The following S100Z variants were observed in gnomAD, a reference collection of about 807,000 sequenced individuals.
The protein encoded by S100Z is S100 calcium binding protein Z, also known as protein S100-Z.
A neutral mutation model predicts 8.5 loss-of-function variants in S100Z; 11 were observed. The ratio of observed to expected loss-of-function variants is 1.30; its 90% CI spans 0.82 to 2.15. The LOEUF (loss-of-function observed/expected upper bound fraction) is 2.15, where lower values mean the gene tolerates loss of function less well. Ranked by LOEUF, S100Z falls within the 30% of genes most tolerant of loss-of-function variation. The pLI is 0.00. For synonymous variants in S100Z, 34 were observed against 43.8 expected, an observed-to-expected ratio of 0.78 and a Z score of 0.89; for missense variants, 126 against 117.9, an observed-to-expected ratio of 1.07 and a Z score of -0.32.
At chr5:76,915,180 C>A (rs192129722) in intron 4 of S100Z, among the ~76,000 whole-genome samples, 51 of 151,884 alleles carry the variant, frequency 3.4e-4, no homozygotes, top group African/African-American at 1.2e-3. Context: ...GTGGCAGTCA[C>A]CTGTAGTCCC....
chr5:76,854,495 C>A (rs113671365), intron 1 of S100Z, among the ~76,000 whole-genome samples: 6,823 of 152,206 alleles, frequency 0.045, 277 homozygotes, highest in African/African-American at 0.11. Context: ...ATCTGTGGAG[C>A]TTTGAACTTG....
chr5:76,859,815 A>G (rs1158117434), intron 1 of S100Z, among the ~76,000 whole-genome samples: 1 of 150,462 alleles, frequency 6.6e-6, no homozygotes, highest in African/African-American at 2.4e-5. Context: ...CCTTCATCAC[A>G]GGGAGGCGAA....
At chr5:76,854,938 A>G (rs1354813603) in intron 1 of S100Z, among the ~76,000 whole-genome samples, 4 of 152,232 alleles carry the variant, frequency 2.6e-5, no homozygotes, top group Admixed American at 6.5e-5. Flanking sequence ...TGCTTCTTGC[A>G]TCTCAGCCAT....
intron 4 of S100Z, among the ~76,000 whole-genome samples, chr5:76,907,718 A>G (rs1234502722): frequency 6.6e-6 from 1 of 152,170 alleles, no homozygotes; most frequent in Non-Finnish European, 1.5e-5. Context: ...TGCTGCTTAT[A>G]GTGGTTGCCA....
At chr5:76,864,792 T>C (rs1751207112) in intron 1 of S100Z, among the ~76,000 whole-genome samples, 1 of 152,132 alleles carries the variant, frequency 6.6e-6, no homozygotes. Flanking sequence ...CGCTGCAACC[T>C]CTGCCTCCCG....
intron 4 of S100Z, among the ~76,000 whole-genome samples, chr5:76,884,921 A>G (rs1188229815): frequency 6.6e-6 from 1 of 152,122 alleles, no homozygotes; most frequent in Non-Finnish European, 1.5e-5. Flanking sequence ...GAAAGAAGAA[A>G]GATTTGGGAC....
In S100Z at chr5:76,875,510, G is replaced by C; in HGVS notation, c.141+10G>C. 6.2e-7 allele frequency: 1 copy of C among 1,600,132 alleles called. No individual in the cohort carries two copies. The highest frequency in any genetic ancestry group is 8.5e-7 in the Non-Finnish European group (1 of 1,174,538). ...CACGGAATTCCTCTCGGTGAGTCAG[G>C]CCTTTGTAAATGCTGTATTCATTTG... is the stretch of plus-strand genomic sequence containing the variant. On this transcript the variant is annotated intron_variant, in intron 3 of 4. Transcript: ENST00000317593.
chr5:76,923,037 A>T (rs1406933697), downstream of S100Z, among the ~76,000 whole-genome samples: 2 of 150,866 alleles, frequency 1.3e-5, no homozygotes, highest in African/African-American at 4.9e-5. Context: ...ATGGGCTTCT[A>T]AAAAAACACA....
Position 76,877,336 on chromosome 5 carries a change from C to T in S100Z, c.142-338C>T, listed in dbSNP as rs897655493. On this transcript the variant is annotated intron_variant, in intron 3 of 4. Transcript: ENST00000317593. ...TCTCCTTTTTGGCTTCAAATCCTCC[C>T]TCTTTCTATGTCACTCGACTATCTC... Among the ~76,000 whole-genome samples the T allele has an allele frequency of 3.9e-5, 6 of 152,170 alleles. No homozygotes were observed. The East Asian group carries it at 1.2e-3, about 29-fold the overall frequency.
chr5:76,892,728 C>T (rs1192238094), intron 4 of S100Z, among the ~76,000 whole-genome samples: 1 of 152,114 alleles, frequency 6.6e-6, no homozygotes, highest in African/African-American at 2.4e-5. Context: ...TTGATCAGCG[C>T]TCATTGAATT....
At chr5:76,894,322 A>G (rs967105044) in intron 4 of S100Z, among the ~76,000 whole-genome samples, 4 of 152,188 alleles carry the variant, frequency 2.6e-5, no homozygotes, top group African/African-American at 9.7e-5. Flanking sequence ...TATTTGATTG[A>G]TGTCTCATGC....
rs781418397 is a variant in S100Z at position 76,875,473 on chromosome 5, G to T, written c.114G>T (p.Leu38=). ...GCAAGGGGGAACTGAAACTGCTCCT[G>T]CAGCGAGAGCTCACGGAATTCCTCT... The part of the protein sequence containing the change: ...KLSKGELKLL[L]QRELTEFLSC... Residue 38 remains leucine (L), a synonymous_variant, in exon 3 of 5, where the codon CTG becomes CTT. Coordinates refer to ENST00000317593, the MANE Select transcript of S100Z (RefSeq NM_130772.4). 1.4e-5 allele frequency: 23 copies of T among 1,611,244 alleles called. No homozygotes were observed. In the South Asian group the frequency reaches 2.5e-4, roughly 18 times the overall value.
At chr5:76,913,133 C>G (rs1384301918) in intron 4 of S100Z, among the ~76,000 whole-genome samples, 2 of 152,226 alleles carry the variant, frequency 1.3e-5, no homozygotes, top group Admixed American at 1.3e-4. Flanking sequence ...TCCAATACCA[C>G]CTTGTTGTCA....
Position 76,919,677 on chromosome 5 carries a change from T to G in S100Z, c.*3-1040T>G, listed in dbSNP as rs115534082. 6.2e-3 allele frequency among the ~76,000 whole-genome samples: 941 copies of G among 151,384 alleles called. 13 individuals carry two copies. Among genetic ancestry groups the G allele is most frequent in the African/African-American group, 0.021 (879 of 41,218 alleles). On this transcript the variant is annotated intron_variant, in intron 4 of 4. Coordinates refer to ENST00000317593, the MANE Select transcript of S100Z (RefSeq NM_130772.4). Reference sequence around the variant, plus strand: ...CCCAGGCTGTAGGGTAGTGATCATATTTCACTGCTGCCTCAAATTCCTGGG... The same window carrying G: ...CCCAGGCTGTAGGGTAGTGATCATAGTTCACTGCTGCCTCAAATTCCTGGG...
chr5:76,909,730 A>C (rs1316905834), intron 4 of S100Z, among the ~76,000 whole-genome samples: 1 of 152,180 alleles, frequency 6.6e-6, no homozygotes, highest in African/African-American at 2.4e-5. Flanking sequence ...ACCTGGGTAC[A>C]TGTCCCCTTC....
chr5:76,948,946 T>C, the S100Z span: 3 of 151,972 alleles, frequency 2.0e-5, no homozygotes, highest in African/African-American at 7.3e-5. Flanking sequence ...CTATTGGAAG[T>C]TGGAGGGTGG....
chr5:76,870,555 G>A (rs1282578414), intron 2 of S100Z, among the ~76,000 whole-genome samples: 1 of 152,126 alleles, frequency 6.6e-6, no homozygotes, highest in Admixed American at 6.5e-5. Context: ...TTGGTCTATA[G>A]TCCTCAGTAA....
At chr5:76,861,171 C>T (rs1342598050) in intron 1 of S100Z, among the ~76,000 whole-genome samples, 2 of 152,132 alleles carry the variant, frequency 1.3e-5, no homozygotes, top group East Asian at 3.9e-4. Flanking sequence ...GCTGAGGATC[C>T]ACTCCTAAGG....
intron 1 of S100Z, among the ~76,000 whole-genome samples, chr5:76,852,723 A>G (rs1750765675): frequency 6.6e-6 from 1 of 152,186 alleles, no homozygotes; most frequent in African/African-American, 2.4e-5. Flanking sequence ...TCAAAAAACA[A>G]ACAAACAAAC....
Sources: allele counts gnomAD v4.1 joint callset (sites outside exome capture counted in the v4.1 genomes callset), GRCh38; gene constraint gnomAD v4.1.1; transcripts MANE v1.5; gene names NCBI Gene and HGNC (gene_info 2026-07-23, HGNC 2026-07-21).